ACSBG1: variants seen among roughly 807,000 people sequenced by gnomAD.
ACSBG1 encodes long-chain-fatty-acid--CoA ligase ACSBG1.
A neutral mutation model predicts 80.2 loss-of-function variants in ACSBG1; 39 were observed. That is an observed-to-expected ratio of 0.49 (90% CI 0.38 to 0.64). The LOEUF (loss-of-function observed/expected upper bound fraction) is 0.64, where lower values mean the gene tolerates loss of function less well. ACSBG1 is among the 30% of genes least tolerant of loss of function. The pLI is 0.00. For synonymous variants in ACSBG1, 392 were observed against 379.5 expected, an observed-to-expected ratio of 1.03 and a Z score of -0.38; for missense variants, 828 against 966.4, an observed-to-expected ratio of 0.86 and a Z score of 1.90.
At chr15:78,174,245 G>T in intron 12 of ACSBG1, 140 bp downstream of exon 12, 2 of 1,174,998 alleles carry the variant, frequency 1.7e-6, no homozygotes, top group Non-Finnish European at 1.2e-6. Context: ...TTCCTACAGT[G>T]CAGGCAGCAC....
At chr15:78,180,995 C>T (rs906912591) in intron 8 of ACSBG1, 59 bp from the exon 9 acceptor site, 17 of 1,569,546 alleles carry the variant, frequency 1.1e-5, no homozygotes, top group Admixed American at 5.4e-5. Flanking sequence ...CCCAGGGGTC[C>T]CCTCTTACCA....
rs189962930 is a variant in ACSBG1 at position 78,180,026 on chromosome 15, T to G, written c.1254-246A>C. Among the ~76,000 whole-genome samples, 7 of 152,240 alleles carry G rather than the reference T, an allele frequency of 4.6e-5. No homozygotes were observed. In the East Asian group the frequency reaches 1.3e-3, roughly 29 times the overall value. On this transcript the variant is annotated intron_variant, in intron 9 of 13. Transcript: ENST00000258873. ...TCTTGACCCAGGAAGTCAAACAGATTCAGCTGTGTACAGGTGTACGGGCAA... is the reference window on the plus strand; with the variant it reads ...TCTTGACCCAGGAAGTCAAACAGATGCAGCTGTGTACAGGTGTACGGGCAA...
chr15:78,226,200 T>A (rs2075399203), intron 1 of ACSBG1, among the ~76,000 whole-genome samples: 1 of 152,246 alleles, frequency 6.6e-6, no homozygotes, highest in African/African-American at 2.4e-5. Context: ...ACAGGGTTAT[T>A]TTTATGGTCA....
Position 78,194,602 on chromosome 15 carries a change from G to A in ACSBG1, c.357C>T (p.Leu119=). ...CCTGGCGCTTGAAGCCCAAAGCGATGAGGTCCCCATACTTATCCAGGGCCT... is the reference window on the plus strand; with the variant it reads ...CCTGGCGCTTGAAGCCCAAAGCGATAAGGTCCCCATACTTATCCAGGGCCT... ...FYEALDKYGD[L]IALGFKRQDK... The change falls in exon 3 of 14, where the codon CTC becomes CTT. Residue 119 remains leucine (L), a synonymous_variant. Coordinates refer to ENST00000258873, the MANE Select transcript of ACSBG1 (RefSeq NM_015162.5). The A allele has an allele frequency of 6.2e-7, 1 of 1,614,278 alleles. No homozygotes were observed. The highest frequency in any genetic ancestry group is 1.1e-5 in the South Asian group (1 of 91,088).
In ACSBG1 at chr15:78,182,807, A is replaced by G. The variant is rs754526364; in HGVS notation, c.664-22T>C. The G allele has an allele frequency of 1.9e-6, 3 of 1,612,802 alleles. No individual in the cohort carries two copies. The African/African-American group carries it at 4.0e-5, about 22-fold the overall frequency. On this transcript the variant is annotated intron_variant, in intron 5 of 13. Transcript: ENST00000258873. Reference sequence around the variant, plus strand: ...AGATCTGCATTGACAGGAAAAATAGATCAGGTTTCAGTAAGAGAAATGTCA... The same window carrying G: ...AGATCTGCATTGACAGGAAAAATAGGTCAGGTTTCAGTAAGAGAAATGTCA...
chr15:78,212,509 G>A (rs765444102), intron 1 of ACSBG1: 25 of 454,658 alleles, frequency 5.5e-5, no homozygotes, highest in East Asian at 1.4e-4. Flanking sequence ...GACTGGCTGC[G>A]GGGCAGGAGG....
rs2141314076 is a variant in ACSBG1 at position 78,171,537 on chromosome 15, G to C, written c.2090-8C>G. On this transcript the variant is annotated splice_region_variant and splice_polypyrimidine_tract_variant and intron_variant, in intron 13 of 13. Coordinates refer to ENST00000258873, the MANE Select transcript of ACSBG1 (RefSeq NM_015162.5). ...TCAGTTTCATCGTGGGACCTAAAAG[G>C]GAAATGAGAAGAAATGAGTGAGGCC... 6.2e-7 allele frequency: 1 copy of C among 1,613,188 alleles called. No homozygotes were observed. The highest frequency in any genetic ancestry group is 8.5e-7 in the Non-Finnish European group (1 of 1,179,170).
rs1455017045 is a variant in ACSBG1, at chr15:78,169,660, A to C, written c.*1784T>G. 1 of 152,256 alleles carries C rather than the reference A, an allele frequency of 6.6e-6. No individual in the cohort carries two copies. Among genetic ancestry groups the C allele is most frequent in the Non-Finnish European group, 1.5e-5 (1 of 68,044 alleles). The allele number at this position is 152,256 out of a possible 1,614,324, so 9.4% of individuals were successfully genotyped here. On this transcript the variant is annotated 3_prime_UTR_variant, in exon 14 of 14. Coordinates refer to ENST00000258873, the MANE Select transcript of ACSBG1 (RefSeq NM_015162.5). ...TAATAAGACAAAGGTAATATATTGG[A>C]TACAAAGACACAAATGTATTGTGTG...
chr15:78,194,408 C>A (rs1162138016), intron 3 of ACSBG1, 98 bp downstream of exon 3: 4 of 1,131,614 alleles, frequency 3.5e-6, no homozygotes, highest in Admixed American at 4.3e-5. Context: ...TTCCTAAGAG[C>A]CTTGCCCAGT....
chr15:78,234,429 G>C lies in ACSBG1; in HGVS notation c.73C>G (p.Pro25Ala). The change falls in exon 1 of 14, where the codon CCA becomes GCA. Residue 25 changes from proline (P) to alanine (A), a missense_variant. Pro to Ala is a conservative substitution (Grantham distance 27, BLOSUM62 -1). Transcript: ENST00000258873. ...ATCATGTCCTGCCGGCTCTCCTGTG[G>C]GGTCTCTCTGCTGTCCAGCATGCTG... Reference protein sequence around the residue: ...DPSMLDSRETPQESRQDMIVR... With the variant: ...DPSMLDSRETAQESRQDMIVR... 2 of 1,613,060 alleles carry C rather than the reference G, an allele frequency of 1.2e-6. No individual in the cohort carries two copies. Among genetic ancestry groups the C allele is most frequent in the South Asian group, 1.1e-5 (1 of 91,084 alleles).
intron 1 of ACSBG1, among the ~76,000 whole-genome samples, chr15:78,217,526 C>T (rs970737734): frequency 5.9e-5 from 9 of 152,008 alleles, no homozygotes; most frequent in Non-Finnish European, 1.3e-4. Flanking sequence ...GTCCTCTAAA[C>T]CCCTGCATCC....
At position 78,208,067 on chromosome 15, in the gene ACSBG1, G is replaced by A; in HGVS notation, c.167C>T (p.Ser56Phe). The change falls in exon 2 of 14, where the codon TCC becomes TTC. Residue 56 changes from serine to phenylalanine, a missense_variant. By Grantham distance (155) the Ser-to-Phe change is radical. Around this residue, in one of 3 missense-constraint regions of ACSBG1, gnomAD observed 356 missense variants for 363.5 expected, o/e 0.98. Transcript: ENST00000258873. Reference protein sequence around the residue: ...LTDRQPLSKESLNHALELSVP... With the variant: ...LTDRQPLSKEFLNHALELSVP... ...TGAGAGCTCGAGAGCATGGTTCAGG[G>A]ACTCTTTGGAGAGTGGCTGCCTGTC... is the stretch of plus-strand genomic sequence containing the variant. 2 of 1,614,086 alleles carry A rather than the reference G, an allele frequency of 1.2e-6. No individual in the cohort carries two copies. The highest frequency in any genetic ancestry group is 1.7e-6 in the Non-Finnish European group (2 of 1,179,992).
intron 12 of ACSBG1, 130 bp downstream of exon 12, chr15:78,174,255 C>A: frequency 7.7e-7 from 1 of 1,294,222 alleles, no homozygotes; most frequent in East Asian, 2.4e-5. Context: ...GCAGGCAGCA[C>A]GGACTTGAGT....
At chr15:78,190,628 A>G (rs2075048770) in intron 5 of ACSBG1, among the ~76,000 whole-genome samples, 1 of 152,030 alleles carries the variant, frequency 6.6e-6, no homozygotes, top group African/African-American at 2.4e-5. Flanking sequence ...AAGAGTAATA[A>G]CAATGTTTGT....
intron 9 of ACSBG1, 35 bp from the exon 10 acceptor site, chr15:78,179,815 T>A (rs1595881375): frequency 6.4e-6 from 6 of 932,974 alleles, no homozygotes; most frequent in South Asian, 1.5e-5. Flanking sequence ...ACAGAAGAAA[T>A]CACACACACA....
At chr15:78,181,089 A>C in intron 8 of ACSBG1, 153 bp from the exon 9 acceptor site, 3 of 876,122 alleles carry the variant, frequency 3.4e-6, no homozygotes, top group Non-Finnish European at 5.1e-6. Context: ...TGTTTCCTCA[A>C]TGGCTGTCGC....
intron 5 of ACSBG1, among the ~76,000 whole-genome samples, chr15:78,183,546 C>T (rs1285134791): frequency 6.6e-6 from 1 of 152,058 alleles, no homozygotes; most frequent in Non-Finnish European, 1.5e-5. Flanking sequence ...CTCGGCACTC[C>T]AGAGAGAGAC....
chr15:78,179,528 G>A lies in ACSBG1; in HGVS notation c.1484+22C>T, dbSNP rs115695276. ...AGCAAGGGCGCATGGGTGTGCATGT[G>A]TGTGGCAGCCTCGAGCCTCACCTGT... On this transcript the variant is annotated intron_variant, in intron 10 of 13. Transcript: ENST00000258873. 1.4e-3 allele frequency: 2,278 copies of A among 1,600,470 alleles called. 30 individuals are homozygous for A. The African/African-American group carries it at 0.027, about 19-fold the overall frequency.
chr15:78,222,500 A>G (rs1428781347), intron 1 of ACSBG1, among the ~76,000 whole-genome samples: 1 of 152,110 alleles, frequency 6.6e-6, no homozygotes, highest in Non-Finnish European at 1.5e-5. Context: ...CTGTCTCCAC[A>G]AATAATAAAA....
Sources: gnomAD v4.1 joint callset for allele counts (sites outside exome capture counted in the v4.1 genomes callset) on GRCh38, gnomAD v4.1.1 for gene constraint, gnomAD v4.1.1 regional missense constraint, MANE v1.5 for transcripts, NCBI Gene and HGNC (gene_info 2026-07-23, HGNC 2026-07-21) for gene names.